The following GFOD1 variants were observed in gnomAD, a reference collection of about 807,000 sequenced individuals.
The protein encoded by GFOD1 is glucose-fructose oxidoreductase domain-containing protein 1.
In GFOD1, 9 loss-of-function variants were observed where a neutral mutation model predicts 25.4. That is an observed-to-expected ratio of 0.35 (90% CI 0.21 to 0.62). GFOD1 has a LOEUF of 0.62. Ranked by LOEUF, GFOD1 falls within the 20% of genes least tolerant of loss-of-function variation. The pLI is 0.72. For synonymous variants in GFOD1, 253 were observed against 245.6 expected (o/e 1.03, Z -0.28); for missense variants, 403 against 556.9 (o/e 0.72, Z 2.78).
At position 13,365,225 on chromosome 6, in the gene GFOD1, C is replaced by G; in HGVS notation, c.691G>C (p.Val231Leu). 6.2e-7 allele frequency: 1 copy of G among 1,614,108 alleles called. No homozygotes were observed. Among genetic ancestry groups the G allele is most frequent in the Non-Finnish European group, 8.5e-7 (1 of 1,180,026 alleles). The change falls in exon 2 of 2, where the codon GTG (valine) becomes CTG (leucine). Residue 231 changes from valine (V) to leucine (L), a missense_variant. Coordinates refer to ENST00000379287, the MANE Select transcript of GFOD1 (RefSeq NM_018988.4). The surrounding 1 kb of genome is among the most constrained non-coding windows in gnomAD (Gnocchi z 9.2). ...AAGTTGAGGGTGACGGTGCAGCACACCCCGCCCTCCAGCACCATCTGGAAG... is the reference window on the plus strand; with the variant it reads ...AAGTTGAGGGTGACGGTGCAGCACAGCCCGCCCTCCAGCACCATCTGGAAG... Reference protein sequence around the residue: ...CTFQMVLEGGVCCTVTLNFNV... With the variant: ...CTFQMVLEGGLCCTVTLNFNV...
chr6:13,395,859 G>C (rs925335826), intron 1 of GFOD1, among the ~76,000 whole-genome samples: 5 of 152,242 alleles, frequency 3.3e-5, no homozygotes, highest in Non-Finnish European at 5.9e-5. Flanking sequence ...GTCCCACTCA[G>C]GCCGTGGTAG....
At chr6:13,409,912 G>GGGCGGA (rs1219731038) in intron 1 of GFOD1, among the ~76,000 whole-genome samples, 1 of 140,800 alleles carries the variant, frequency 7.1e-6, no homozygotes, top group Non-Finnish European at 1.5e-5. Context: ...GACAGAGCGG[G>GGGCGGA]GCTCCATTTC....
chr6:13,420,884 G>A (rs1786244644), intron 1 of GFOD1, among the ~76,000 whole-genome samples: 1 of 152,098 alleles, frequency 6.6e-6, no homozygotes. Context: ...CCCAGTAATT[G>A]TACATAGAAG....
chr6:13,475,030 T>A (rs1758585726), intron 1 of GFOD1, among the ~76,000 whole-genome samples: 1 of 152,012 alleles, frequency 6.6e-6, no homozygotes, highest in Admixed American at 6.6e-5. Context: ...CTCTACGCCT[T>A]CCCCCAAGTG....
chr6:13,478,476 T>G (rs1385455333), intron 1 of GFOD1, among the ~76,000 whole-genome samples: 1 of 152,140 alleles, frequency 6.6e-6, no homozygotes, highest in Non-Finnish European at 1.5e-5. Flanking sequence ...CCATCTAGAT[T>G]CTTAGAATCA....
Position 13,360,825 on chromosome 6 carries a change from T to C in GFOD1, c.*3918A>G. 1 of 456,676 alleles carries C rather than the reference T, an allele frequency of 2.2e-6. No individual in the cohort carries two copies. Among genetic ancestry groups the C allele is most frequent in the South Asian group, 1.5e-5 (1 of 64,562 alleles). The allele number at this position is 456,676 out of a possible 1,614,324, so 28.3% of individuals were successfully genotyped here. A position where few individuals can be genotyped will look rare whatever the true frequency, so the allele number is the denominator to read the frequency against. On this transcript the variant is annotated 3_prime_UTR_variant, in exon 2 of 2. Transcript: ENST00000379287. ...GGTGTGAGAGCAGACCCCGTAGACA[T>C]TGATAAGGAGCGGTTTCCTGCCTGG...
chr6:13,386,725 T>A (rs1785483424), intron 1 of GFOD1, among the ~76,000 whole-genome samples: 1 of 152,132 alleles, frequency 6.6e-6, no homozygotes, highest in African/African-American at 2.4e-5. Flanking sequence ...AGACTTCATG[T>A]GCACCCCTGG....
At chr6:13,442,031 C>A (rs1428126647) in intron 1 of GFOD1, among the ~76,000 whole-genome samples, 2 of 152,116 alleles carry the variant, frequency 1.3e-5, no homozygotes, top group Non-Finnish European at 2.9e-5. Context: ...CTCCTAATAA[C>A]ACAGCTTTGG....
At chr6:13,406,780 T>C (rs1416658184) in intron 1 of GFOD1, among the ~76,000 whole-genome samples, 1 of 152,166 alleles carries the variant, frequency 6.6e-6, no homozygotes, top group Non-Finnish European at 1.5e-5. Context: ...TTGGGAGGCC[T>C]TCTTTGACAG....
chr6:13,379,348 A>G lies in GFOD1; in HGVS notation c.254-13686T>C, dbSNP rs182995909. On this transcript the variant is annotated intron_variant, in intron 1 of 1. Transcript: ENST00000379287. ...CACGCCAGCTGTTTGCTTTCCCAGA[A>G]GCCTTTGCAGCAAAGCCATGGGCAC... Among the ~76,000 whole-genome samples, 7 of 152,224 alleles carry G rather than the reference A, an allele frequency of 4.6e-5. No individual in the cohort carries two copies. In the South Asian group the frequency reaches 8.3e-4, roughly 18 times the overall value.
chr6:13,463,454 T>C (rs1489550495), intron 1 of GFOD1, among the ~76,000 whole-genome samples: 4 of 152,202 alleles, frequency 2.6e-5, no homozygotes, highest in Non-Finnish European at 5.9e-5. Context: ...GTGGCTACCA[T>C]GTTGGACAGC....
chr6:13,396,514 C>T (rs1785736368), intron 1 of GFOD1, among the ~76,000 whole-genome samples: 1 of 152,116 alleles, frequency 6.6e-6, no homozygotes, highest in African/African-American at 2.4e-5. Context: ...GACTGAATGT[C>T]GACATCCCGA....
At chr6:13,450,564 C>T (rs1377596710) in intron 1 of GFOD1, among the ~76,000 whole-genome samples, 1 of 152,284 alleles carries the variant, frequency 6.6e-6, no homozygotes, top group East Asian at 1.9e-4. Context: ...AGTCCTCTTC[C>T]AGTGGATCAC....
chr6:13,417,737 C>A (rs1048308001), intron 1 of GFOD1, among the ~76,000 whole-genome samples: 1 of 152,208 alleles, frequency 6.6e-6, no homozygotes, highest in East Asian at 1.9e-4. Context: ...CTCGTAAGTG[C>A]AGCAGGAGAA....
chr6:13,412,195 G>A (rs951545222), intron 1 of GFOD1, among the ~76,000 whole-genome samples: 2 of 152,184 alleles, frequency 1.3e-5, no homozygotes, highest in African/African-American at 2.4e-5. Flanking sequence ...CAGTACCTCA[G>A]AATGTGACTA....
chr6:13,428,434 C>T (rs1562216245), intron 1 of GFOD1, among the ~76,000 whole-genome samples: 1 of 152,294 alleles, frequency 6.6e-6, no homozygotes, highest in East Asian at 1.9e-4. Flanking sequence ...CCGCCTGAGG[C>T]CCTTGCGGCC....
At chr6:13,448,994 G>T (rs949320937) in intron 1 of GFOD1, among the ~76,000 whole-genome samples, 1 of 152,096 alleles carries the variant, frequency 6.6e-6, no homozygotes, top group Non-Finnish European at 1.5e-5. Flanking sequence ...AAGAAGAAAG[G>T]GCTACTCAAA....
chr6:13,482,683 G>A (rs111801399), intron 1 of GFOD1, among the ~76,000 whole-genome samples: 4 of 152,294 alleles, frequency 2.6e-5, no homozygotes, highest in African/African-American at 9.6e-5. Flanking sequence ...AGGAGGTGGA[G>A]GTTGCAGTGA....
In GFOD1 at chr6:13,364,457, C is replaced by G. The variant is rs534792046; in HGVS notation, c.*286G>C. On this transcript the variant is annotated 3_prime_UTR_variant, in exon 2 of 2. Transcript: ENST00000379287. This position sits in a 1 kb window ranked among gnomAD's most constrained non-coding sequence, Gnocchi z 4.1. ...CCTTGCTTGTCACAGTAAAGGGCAG[C>G]AGAGGCAGCTAAACCAAACCACTCT... 32 of 434,242 alleles carry G rather than the reference C, an allele frequency of 7.4e-5. No individual in the cohort carries two copies. Among genetic ancestry groups the G allele is most frequent in the African/African-American group, 5.1e-4 (26 of 51,034 alleles). The allele number at this position is 434,242 out of a possible 1,614,324, so 26.9% of individuals were successfully genotyped here.
Sources: gnomAD v4.1 joint callset for allele counts (sites outside exome capture counted in the v4.1 genomes callset) on GRCh38, gnomAD v4.1.1 for gene constraint, Gnocchi (gnomAD v3.1) non-coding constraint, MANE v1.5 for transcripts, NCBI Gene and HGNC (gene_info 2026-07-23, HGNC 2026-07-21) for gene names.